Variants in PILRB observed in about 807,000 individuals in gnomAD.
The protein encoded by PILRB is paired immunoglobulin-like type 2 receptor beta.
A neutral mutation model predicts 20.5 loss-of-function variants in PILRB; 21 were observed. The ratio of observed to expected loss-of-function variants is 1.02; its 90% CI spans 0.72 to 1.47. The LOEUF is 1.47. Ranked by LOEUF, PILRB falls within the 40% of genes most tolerant of loss-of-function variation. The pLI, the probability that PILRB is intolerant of heterozygous loss-of-function variation, is 0.00. For synonymous variants in PILRB, 133 were observed against 115.1 expected (o/e 1.16, Z -0.99); for missense variants, 253 against 272.1 (o/e 0.93, Z 0.49).
intron 3 of PILRB, among the ~76,000 whole-genome samples, chr7:100,364,242 A>G (rs1349304324): frequency 6.6e-6 from 1 of 152,234 alleles, no homozygotes; most frequent in Non-Finnish European, 1.5e-5. Context: ...AGTTTCTTCA[A>G]CAAATGGTGT....
At chr7:100,365,797 G>T (rs1790664659) in intron 3 of PILRB, among the ~76,000 whole-genome samples, 1 of 152,070 alleles carries the variant, frequency 6.6e-6, no homozygotes, top group Non-Finnish European at 1.5e-5. Flanking sequence ...CAGCCTGGGT[G>T]ACACAGCAAG....
At chr7:100,362,836 A>G (rs2130112356) in intron 3 of PILRB, among the ~76,000 whole-genome samples, 1 of 152,194 alleles carries the variant, frequency 6.6e-6, no homozygotes, top group South Asian at 2.1e-4. Flanking sequence ...AAAACACTCC[A>G]AAACCAGGAA....
At chr7:100,365,952 T>G (rs76332120) in intron 3 of PILRB, among the ~76,000 whole-genome samples, 16 of 147,642 alleles carry the variant, frequency 1.1e-4, no homozygotes, top group African/African-American at 4.0e-4. Flanking sequence ...CTAGGTGGTT[T>G]TTTTTTTTTT....
At chr7:100,361,683 A>T (rs971405437) in intron 3 of PILRB, among the ~76,000 whole-genome samples, 5 of 152,022 alleles carry the variant, frequency 3.3e-5, no homozygotes, top group Non-Finnish European at 7.4e-5. Flanking sequence ...ATAGAGCGAG[A>T]CTCCATCTAT....
In PILRB at chr7:100,359,510, C is replaced by A; in HGVS notation, c.628C>A (p.Leu210Ile). Residue 210 changes from leucine to isoleucine, a missense_variant, in exon 3 of 4, where the codon CTC (leucine) becomes ATC (isoleucine). Transcript: ENST00000609309. ...KTVILGLLCL[L>I]LLWWRRRKGS... is the part of the protein sequence containing the mutation. ...TGTCATTTTGGGACTGCTGTGCCTC[C>A]TCCTCCTGTGGTGGAGGAGAAGGAA... is the stretch of plus-strand genomic sequence containing the variant. The A allele has an allele frequency of 6.2e-7, 1 of 1,613,554 alleles. No homozygotes were observed. Among genetic ancestry groups the A allele is most frequent in the Middle Eastern group, 1.7e-4 (1 of 6,056 alleles).
chr7:100,359,494 G>C lies in PILRB; in HGVS notation c.612G>C (p.Leu204Phe). ...TCGCTGTGCTCAAAACTGTCATTTT[G>C]GGACTGCTGTGCCTCCTCCTCCTGT... ...LAVAVLKTVI[L>F]GLLCLLLLWW... The change falls in exon 3 of 4, where the codon TTG (leucine) becomes TTC (phenylalanine). Residue 204 changes from leucine (L) to phenylalanine (F), a missense_variant. Leu to Phe is a conservative substitution (Grantham distance 22, BLOSUM62 0). Coordinates refer to ENST00000609309, the MANE Select transcript of PILRB (RefSeq NM_178238.4). 1 of 1,612,050 alleles carries C rather than the reference G, an allele frequency of 6.2e-7. No individual in the cohort carries two copies. Among genetic ancestry groups the C allele is most frequent in the African/African-American group, 1.3e-5 (1 of 74,666 alleles).
chr7:100,360,340 A>G (rs1329499845), intron 3 of PILRB, among the ~76,000 whole-genome samples: 1 of 152,062 alleles, frequency 6.6e-6, no homozygotes, highest in Non-Finnish European at 1.5e-5. Context: ...TCATTGAGAA[A>G]GAACTATGGT....
Position 100,367,549 on chromosome 7 carries a change from G to T in PILRB, c.*172G>T. 1 of 619,186 alleles carries T rather than the reference G, an allele frequency of 1.6e-6. No individual in the cohort carries two copies. Among genetic ancestry groups the T allele is most frequent in the South Asian group, 1.9e-5 (1 of 52,046 alleles). The allele number at this position is 619,186 out of a possible 1,614,324, so 38.4% of individuals were successfully genotyped here. ...AAGGAGGCTGGGTCCCTGAATCACC[G>T]ACTGGAGGAGAGTTACCTACAAGAG... On this transcript the variant is annotated 3_prime_UTR_variant, in exon 4 of 4. Coordinates refer to ENST00000609309, the MANE Select transcript of PILRB (RefSeq NM_178238.4).
Position 100,358,189 on chromosome 7 carries a change from G to T in PILRB, c.-114G>T, listed in dbSNP as rs747979058. 1.4e-5 allele frequency: 18 copies of T among 1,249,720 alleles called. No individual in the cohort carries two copies. In the Admixed American group the frequency reaches 2.9e-4, roughly 20 times the overall value. 77.4% of individuals were successfully genotyped at this position (1,249,720 alleles called of 1,614,324 possible). A position where few individuals can be genotyped will look rare whatever the true frequency, so the allele number is the denominator to read the frequency against. ...CCCGGCCCCCACAGCCCTCTGGGGAGCCTCACCCTGGCTCTCCCCACTCAC... is the reference window on the plus strand; with the variant it reads ...CCCGGCCCCCACAGCCCTCTGGGGATCCTCACCCTGGCTCTCCCCACTCAC... On this transcript the variant is annotated 5_prime_UTR_variant, in exon 1 of 4. Transcript: ENST00000609309.
intron 3 of PILRB, 39 bp from the exon 4 acceptor site, chr7:100,367,310 A>T (rs1239988028): frequency 1.3e-6 from 1 of 780,526 alleles, no homozygotes; most frequent in Non-Finnish European, 2.4e-6. Flanking sequence ...CTCACTAATA[A>T]TCCTGGCCCT....
chr7:100,367,501 T>G lies in PILRB; in HGVS notation c.*124T>G. On this transcript the variant is annotated 3_prime_UTR_variant, in exon 4 of 4. Transcript: ENST00000609309. ...ACATGGAGAGCACCCTGAGGACCTTTAAAAGGCAAAGCCGCAAGGCAGAAG... is the reference window on the plus strand; with the variant it reads ...ACATGGAGAGCACCCTGAGGACCTTGAAAAGGCAAAGCCGCAAGGCAGAAG... The G allele has an allele frequency of 1.4e-6, 1 of 719,658 alleles. No homozygotes were observed. The highest frequency in any genetic ancestry group is 2.6e-6 in the Non-Finnish European group (1 of 382,102). The allele number at this position is 719,658 out of a possible 1,614,324, so 44.6% of individuals were successfully genotyped here. A position where few individuals can be genotyped will look rare whatever the true frequency, so the allele number is the denominator to read the frequency against.
rs200744746 is a variant in PILRB, at chr7:100,359,518, G to C, written c.636G>C (p.Leu212=). 85 of 1,613,576 alleles carry C rather than the reference G, an allele frequency of 5.3e-5. No individual in the cohort carries two copies. The highest frequency in any genetic ancestry group is 1.8e-4 in the Admixed American group (11 of 60,000). The change falls in exon 3 of 4, where the codon CTG becomes CTC. Residue 212 remains leucine (L), a synonymous_variant. Transcript: ENST00000609309. ...TGGGACTGCTGTGCCTCCTCCTCCTGTGGTGGAGGAGAAGGAAAGGTAAGT... is the reference window on the plus strand; with the variant it reads ...TGGGACTGCTGTGCCTCCTCCTCCTCTGGTGGAGGAGAAGGAAAGGTAAGT... ...VILGLLCLLL[L]WWRRRKGSRA...
intron 3 of PILRB, among the ~76,000 whole-genome samples, chr7:100,361,861 C>T (rs1390802319): frequency 6.6e-6 from 1 of 152,108 alleles, no homozygotes; most frequent in Non-Finnish European, 1.5e-5. Flanking sequence ...TCAACTTCCT[C>T]ATGGAAGCAC....
At chr7:100,365,255 C>A (rs1326197771) in intron 3 of PILRB, among the ~76,000 whole-genome samples, 1 of 152,194 alleles carries the variant, frequency 6.6e-6, no homozygotes, top group East Asian at 1.9e-4. Flanking sequence ...CCACCTCGGC[C>A]TTCCAAAGTG....
At chr7:100,366,859 G>A (rs1168555141) in intron 3 of PILRB, among the ~76,000 whole-genome samples, 2 of 152,174 alleles carry the variant, frequency 1.3e-5, no homozygotes, top group African/African-American at 2.4e-5. Context: ...AGGGTAGCAA[G>A]GTTTTGCGGG....
intron 3 of PILRB, among the ~76,000 whole-genome samples, chr7:100,365,854 A>G (rs1291713985): frequency 6.6e-6 from 1 of 152,092 alleles, no homozygotes; most frequent in Non-Finnish European, 1.5e-5. Context: ...TCGCAAGATG[A>G]AAATGTTCTG....
intron 3 of PILRB, among the ~76,000 whole-genome samples, chr7:100,364,602 A>G (rs934415494): frequency 6.6e-6 from 1 of 152,252 alleles, no homozygotes; most frequent in African/African-American, 2.4e-5. Flanking sequence ...GGGGTTAATC[A>G]GAAGCTGCCA....
At position 100,358,785 on chromosome 7, in the gene PILRB, T is replaced by TC; in HGVS notation, c.162dup (p.Phe55LeufsTer166). ...GGGTGGCTCTGTGGAAATCCCCTTC[T>TC]CCTTCTATTACCCCTGGGAGTTAGC... On this transcript the variant is annotated frameshift_variant, in exon 2 of 4. Transcript: ENST00000609309. LOFTEE classifies it high-confidence loss of function. 6.2e-7 allele frequency: 1 copy of TC among 1,613,414 alleles called. No homozygotes were observed.
chr7:100,363,433 T>C (rs1790588574), intron 3 of PILRB, among the ~76,000 whole-genome samples: 1 of 152,074 alleles, frequency 6.6e-6, no homozygotes, highest in Non-Finnish European at 1.5e-5. Context: ...TACAATAATG[T>C]CAAAAAATAA....
Sources: gnomAD v4.1 joint callset for allele counts (sites outside exome capture counted in the v4.1 genomes callset) on GRCh38, gnomAD v4.1.1 for gene constraint, MANE v1.5 for transcripts, NCBI Gene and HGNC (gene_info 2026-07-23, HGNC 2026-07-21) for gene names.